The following APBA1 variants were observed in gnomAD, a reference collection of about 807,000 sequenced individuals.
APBA1 encodes amyloid beta precursor protein binding family A member 1.
Under a neutral mutation model 86.6 loss-of-function variants are expected in APBA1, and 55 were observed. That is an observed-to-expected ratio of 0.64 (90% CI 0.51 to 0.80). The LOEUF is 0.80. Ranked by LOEUF, APBA1 falls within the 30% of genes least tolerant of loss-of-function variation. APBA1 has a pLI of 0.00. For synonymous variants in APBA1, 511 were observed against 493.9 expected (o/e 1.03, Z -0.46); for missense variants, 1,090 against 1,183.0 (o/e 0.92, Z 1.15).
chr9:69,468,088 T>C, intron 4 of APBA1, 120 bp from the exon 5 acceptor site: 1 of 1,211,126 alleles, frequency 8.3e-7, no homozygotes, highest in Non-Finnish European at 1.2e-6. Context: ...AGAGCCAACC[T>C]GCTGGTCTGA....
At chr9:69,632,653 G>C (rs1422809282) in intron 1 of APBA1, among the ~76,000 whole-genome samples, 2 of 152,164 alleles carry the variant, frequency 1.3e-5, no homozygotes, top group Non-Finnish European at 2.9e-5. Flanking sequence ...ACTATTATTA[G>C]TTCAACTACC....
At chr9:69,462,243 G>C (rs1369916635) in intron 5 of APBA1, 2 of 152,182 alleles carry the variant, frequency 1.3e-5, no homozygotes, top group South Asian at 4.2e-4. Context: ...GGCTCAGCAG[G>C]CCACCCTATC....
intron 10 of APBA1, 46 bp downstream of exon 10, chr9:69,449,538 C>A (rs746113941): frequency 6.5e-7 from 1 of 1,537,804 alleles, no homozygotes; most frequent in Non-Finnish European, 9.0e-7. Context: ...CACTTCACAT[C>A]ACTTGAGGTT....
intron 2 of APBA1, chr9:69,494,552 A>C (rs1835765227): frequency 6.6e-6 from 1 of 152,178 alleles, no homozygotes; most frequent in Non-Finnish European, 1.5e-5. Flanking sequence ...TATCTGATAA[A>C]ACTGACTTAT....
At position 69,648,202 on chromosome 9, in the gene APBA1, C is replaced by CA. The variant is rs201232687; in HGVS notation, c.-70+23950dup. ...TGGCTACAACATTTCTCACCAAGAG[C>CA]AGTGTCCTTGGGGAAAAACTAAACA... On this transcript the variant is annotated intron_variant, in intron 1 of 12. Coordinates refer to ENST00000265381, the MANE Select transcript of APBA1 (RefSeq NM_001163.4). Among the ~76,000 whole-genome samples, 67 of 152,322 alleles carry CA rather than the reference C, an allele frequency of 4.4e-4. No homozygotes were observed. The East Asian group carries it at 0.012, about 28-fold the overall frequency.
intron 1 of APBA1, among the ~76,000 whole-genome samples, chr9:69,601,743 C>A (rs879288160): frequency 6.6e-6 from 1 of 152,192 alleles, no homozygotes; most frequent in Non-Finnish European, 1.5e-5. Flanking sequence ...CAAAAAGCAT[C>A]ACATTGCAGT....
intron 11 of APBA1, among the ~76,000 whole-genome samples, chr9:69,435,291 G>A (rs1436222137): frequency 2.0e-5 from 3 of 152,078 alleles, no homozygotes; most frequent in African/African-American, 4.8e-5. Flanking sequence ...ATGATTTATA[G>A]TCCTTTGGGT....
At chr9:69,456,201 TC>T in intron 8 of APBA1, 45 bp downstream of exon 8, 1 of 1,605,814 alleles carries the variant, frequency 6.2e-7, no homozygotes, top group Non-Finnish European at 8.5e-7. Context: ...TTCTGAGAAG[TC>T]AAGAGAACCT....
At chr9:69,582,534 C>T (rs542981919) in intron 1 of APBA1, among the ~76,000 whole-genome samples, 1 of 152,200 alleles carries the variant, frequency 6.6e-6, no homozygotes, top group Non-Finnish European at 1.5e-5. Flanking sequence ...CTTCCCATTC[C>T]ACCTCCCCAG....
intron 1 of APBA1, among the ~76,000 whole-genome samples, chr9:69,522,868 A>C (rs1836275717): frequency 6.6e-6 from 1 of 152,092 alleles, no homozygotes; most frequent in Admixed American, 6.5e-5. Context: ...ATGGAAGAAA[A>C]TCTCTCTTCC....
chr9:69,456,235 A>C lies in APBA1; in HGVS notation c.1788+12T>G. 3 of 1,614,170 alleles carry C rather than the reference A, an allele frequency of 1.9e-6. No homozygotes were observed. The highest frequency in any genetic ancestry group is 2.5e-6 in the Non-Finnish European group (3 of 1,179,980). On this transcript the variant is annotated intron_variant, in intron 8 of 12. Transcript: ENST00000265381. ...CCTAACCCAAAAGGAGATCAAAGGA[A>C]GCAACCCTTACATCCTCAGACTCGA... is the stretch of plus-strand genomic sequence containing the variant.
At chr9:69,610,960 C>CT (rs896693803) in intron 1 of APBA1, among the ~76,000 whole-genome samples, 58 of 146,764 alleles carry the variant, frequency 4.0e-4, no homozygotes, top group Middle Eastern at 3.5e-3. Flanking sequence ...CTTCTAAGTT[C>CT]TTTTTTTTTT....
chr9:69,519,335 A>AGG (rs1271266795), intron 1 of APBA1, among the ~76,000 whole-genome samples: 1 of 152,268 alleles, frequency 6.6e-6, no homozygotes, highest in Non-Finnish European at 1.5e-5. Flanking sequence ...ATACTGGTCC[A>AGG]TGGCCCAGTG....
At chr9:69,651,829 G>C (rs995930717) in intron 1 of APBA1, among the ~76,000 whole-genome samples, 1 of 152,170 alleles carries the variant, frequency 6.6e-6, no homozygotes, top group Non-Finnish European at 1.5e-5. Flanking sequence ...GTGTGTTGTT[G>C]AAGAGTTGGC....
At chr9:69,439,951 A>G (rs934624684) in intron 11 of APBA1, among the ~76,000 whole-genome samples, 8 of 152,000 alleles carry the variant, frequency 5.3e-5, no homozygotes, top group African/African-American at 1.9e-4. Flanking sequence ...TGACGTACAG[A>G]TGGGTTTTTG....
intron 2 of APBA1, among the ~76,000 whole-genome samples, chr9:69,489,507 C>A (rs943806618): frequency 3.3e-5 from 5 of 151,754 alleles, no homozygotes; most frequent in Admixed American, 3.3e-4. Flanking sequence ...AATGTTAGAC[C>A]TAAAACCATA....
chr9:69,493,141 C>T (rs1318066839), intron 2 of APBA1, among the ~76,000 whole-genome samples: 2 of 152,076 alleles, frequency 1.3e-5, no homozygotes, highest in African/African-American at 4.8e-5. Context: ...GCAGGTTTAA[C>T]AAGCCCCGAA....
intron 1 of APBA1, among the ~76,000 whole-genome samples, chr9:69,589,114 C>T (rs1822078316): frequency 6.6e-6 from 1 of 152,092 alleles, no homozygotes; most frequent in Admixed American, 6.6e-5. Flanking sequence ...ACCACCATGC[C>T]CAGCTAATTT....
chr9:69,440,068 G>T (rs568752296), intron 11 of APBA1, among the ~76,000 whole-genome samples: 6 of 152,176 alleles, frequency 3.9e-5, no homozygotes, highest in Non-Finnish European at 8.8e-5. Context: ...TGTTTGCCTG[G>T]GTATCAGCAG....
Sources: allele counts gnomAD v4.1 joint callset (sites outside exome capture counted in the v4.1 genomes callset), GRCh38; gene constraint gnomAD v4.1.1; transcripts MANE v1.5; gene names NCBI Gene and HGNC (gene_info 2026-07-23, HGNC 2026-07-21).